The following TMPRSS13 variants were observed in gnomAD, a reference collection of about 807,000 sequenced individuals.
The protein encoded by TMPRSS13 is transmembrane serine protease 13.
In TMPRSS13, 50 loss-of-function variants were observed where a neutral mutation model predicts 68.4. That is an observed-to-expected ratio of 0.73 (90% confidence interval 0.58 to 0.93). TMPRSS13 has a LOEUF of 0.93. Among genes scored for constraint, TMPRSS13 ranks in the 40% least tolerant of loss-of-function variants. The pLI, the probability that TMPRSS13 is intolerant of heterozygous loss-of-function variation, is 0.00. For synonymous variants in TMPRSS13, 267 were observed against 285.8 expected, an observed-to-expected ratio of 0.93 and a Z score of 0.66; for missense variants, 615 against 729.2, an observed-to-expected ratio of 0.84 and a Z score of 1.80.
chr11:117,921,045 G>T (rs756092579), intron 1 of TMPRSS13, among the ~76,000 whole-genome samples: 1 of 152,132 alleles, frequency 6.6e-6, no homozygotes, highest in Non-Finnish European at 1.5e-5. Context: ...GCACTTTACG[G>T]GACCCCATTC....
intron 9 of TMPRSS13, chr11:117,908,243 T>C (rs1472422715): frequency 5.7e-6 from 3 of 524,210 alleles, no homozygotes; most frequent in African/African-American, 3.8e-5. Flanking sequence ...CTCCACAGGG[T>C]TGGTTGTGAA....
At chr11:117,908,364 C>A in intron 9 of TMPRSS13, 2 of 611,360 alleles carry the variant, frequency 3.3e-6, no homozygotes, top group South Asian at 4.1e-5. Context: ...GTACCCAAGC[C>A]CTGACTCCGT....
Position 117,913,923 on chromosome 11 carries a change from A to T in TMPRSS13, c.680-17T>A. On this transcript the variant is annotated splice_polypyrimidine_tract_variant and intron_variant, in intron 4 of 12. Transcript: ENST00000524993. ...CAAACCTCACTGCAGGGCAAGAAAA[A>T]GGCAGAGCAGGTCCTCAGCACCTAG... 6.2e-7 allele frequency: 1 copy of T among 1,611,578 alleles called. No individual in the cohort carries two copies.
intron 1 of TMPRSS13, among the ~76,000 whole-genome samples, chr11:117,927,003 A>G (rs2057713804): frequency 6.6e-6 from 1 of 152,208 alleles, no homozygotes; most frequent in Non-Finnish European, 1.5e-5. Context: ...CTCCTTACAT[A>G]TTTTAAGTTC....
rs1400142976 is a variant in TMPRSS13, at chr11:117,914,233, GCA to G, written c.679+157_679+158del. 2.0e-5 allele frequency among the ~76,000 whole-genome samples: 3 copies of G among 151,978 alleles called. No homozygotes were observed. Among genetic ancestry groups the G allele is most frequent in the South Asian group, 4.1e-4 (2 of 4,824 alleles). On this transcript the variant is annotated intron_variant, in intron 4 of 12. Transcript: ENST00000524993. The surrounding 1 kb of genome is among the most constrained non-coding windows in gnomAD (Gnocchi z 4.2). ...TGCACACATGCACACACACATACGT[GCA>G]CACACACATACATGCATACACACAA... is the stretch of plus-strand genomic sequence containing the variant.
rs915569309 is a variant in TMPRSS13 at position 117,914,765 on chromosome 11, G to C, written c.557-251C>G. ...CCACCCAGAAAGAGAGAGAAAGAGA[G>C]AGAGAGACAGAGAGTGCTGTGGAGA... On this transcript the variant is annotated intron_variant, in intron 3 of 12. Coordinates refer to ENST00000524993, the MANE Select transcript of TMPRSS13 (RefSeq NM_001077263.3). This position sits in a 1 kb window ranked among gnomAD's most constrained non-coding sequence, Gnocchi z 4.2. 6.6e-6 allele frequency among the ~76,000 whole-genome samples: 1 copy of C among 152,146 alleles called. No homozygotes were observed. The highest frequency in any genetic ancestry group is 1.9e-4 in the East Asian group (1 of 5,180).
At chr11:117,916,557 TAA>T (rs1031580684) in intron 3 of TMPRSS13, among the ~76,000 whole-genome samples, 1 of 152,262 alleles carries the variant, frequency 6.6e-6, no homozygotes, top group Admixed American at 6.5e-5. Flanking sequence ...TTGCGCTGCC[TAA>T]AGTTTCCCAC....
At chr11:117,910,683 A>C (rs1276950108) in intron 7 of TMPRSS13, 24 bp downstream of exon 7, 3 of 1,603,650 alleles carry the variant, frequency 1.9e-6, no homozygotes, top group Non-Finnish European at 2.6e-6. Context: ...CACTGGCCAC[A>C]ATCCAAGAAG....
chr11:117,917,101 C>T, intron 3 of TMPRSS13, 69 bp downstream of exon 3: 2 of 1,314,722 alleles, frequency 1.5e-6, no homozygotes, highest in Non-Finnish European at 2.1e-6. Flanking sequence ...CCCTGCCTGC[C>T]CCCATCCCTG....
At chr11:117,911,545 G>C (rs914513002) in intron 6 of TMPRSS13, among the ~76,000 whole-genome samples, 4 of 152,164 alleles carry the variant, frequency 2.6e-5, no homozygotes, top group Non-Finnish European at 5.9e-5. Flanking sequence ...GGGCACCCCT[G>C]GTCTCCAGTT....
Position 117,922,887 on chromosome 11 carries a change from A to G in TMPRSS13, c.22-4049T>C, listed in dbSNP as rs146714785. The stretch of plus-strand genomic sequence containing the variant: ...TTGTAAGCCCTTACCATGACATGGA[A>G]CAGGCCCACACCCCAGGCTGTCACT... On this transcript the variant is annotated intron_variant, in intron 1 of 12. Coordinates refer to ENST00000524993, the MANE Select transcript of TMPRSS13 (RefSeq NM_001077263.3). This position sits in a 1 kb window ranked among gnomAD's most constrained non-coding sequence, Gnocchi z 4.2. Among the ~76,000 whole-genome samples the G allele has an allele frequency of 3.8e-3, 572 of 152,338 alleles. 4 individuals carry two copies. The highest frequency in any genetic ancestry group is 0.013 in the African/African-American group (544 of 41,570).
At chr11:117,916,712 A>G (rs929758450) in intron 3 of TMPRSS13, among the ~76,000 whole-genome samples, 1 of 151,900 alleles carries the variant, frequency 6.6e-6, no homozygotes, top group Non-Finnish European at 1.5e-5. Context: ...TTTTCCAATC[A>G]GTGTTTTCAT....
At chr11:117,911,700 C>T in intron 6 of TMPRSS13, 68 bp downstream of exon 6, 1 of 1,351,630 alleles carries the variant, frequency 7.4e-7, no homozygotes, top group Non-Finnish European at 1.0e-6. Flanking sequence ...GGCTCCCTGA[C>T]TCAAAGACCC....
intron 1 of TMPRSS13, among the ~76,000 whole-genome samples, chr11:117,925,659 C>T (rs529622054): frequency 4.6e-5 from 7 of 152,334 alleles, no homozygotes; most frequent in East Asian, 1.9e-4. Context: ...CTCCACTTGA[C>T]GGCTAAAGCC....
intron 9 of TMPRSS13, among the ~76,000 whole-genome samples, 163 bp from the exon 10 acceptor site, chr11:117,905,899 C>G (rs1336120044): frequency 6.6e-6 from 1 of 152,180 alleles, no homozygotes; most frequent in Non-Finnish European, 1.5e-5. Flanking sequence ...CTTGGACTGA[C>G]CAGACATGAA....
intron 8 of TMPRSS13, among the ~76,000 whole-genome samples, 190 bp downstream of exon 8, chr11:117,909,616 C>T (rs1565347167): frequency 6.6e-6 from 1 of 152,192 alleles, no homozygotes; most frequent in Non-Finnish European, 1.5e-5. Context: ...GGGCCTAGCT[C>T]GGAACAAACA....
At chr11:117,916,170 T>C (rs2057576350) in intron 3 of TMPRSS13, among the ~76,000 whole-genome samples, 1 of 152,166 alleles carries the variant, frequency 6.6e-6, no homozygotes, top group Admixed American at 6.5e-5. Flanking sequence ...CTCTTTGGCC[T>C]GGGGTTTAAA....
chr11:117,902,616 C>T (rs775163070), intron 12 of TMPRSS13, among the ~76,000 whole-genome samples: 2 of 152,180 alleles, frequency 1.3e-5, no homozygotes, highest in Non-Finnish European at 1.5e-5. Context: ...TTCCTGACAC[C>T]GAAATTCCTG....
intron 1 of TMPRSS13, among the ~76,000 whole-genome samples, chr11:117,924,204 A>AAG (rs1232957225): frequency 6.6e-6 from 1 of 151,926 alleles, no homozygotes; most frequent in Admixed American, 6.6e-5. Flanking sequence ...AAGAAAAGAA[A>AAG]ACCTACCCAA....
Sources: gnomAD v4.1 joint callset for allele counts (sites outside exome capture counted in the v4.1 genomes callset) on GRCh38, gnomAD v4.1.1 for gene constraint, Gnocchi (gnomAD v3.1) non-coding constraint, MANE v1.5 for transcripts, NCBI Gene and HGNC (gene_info 2026-07-23, HGNC 2026-07-21) for gene names.